The following MYO5B variants were observed in gnomAD, a reference collection of about 807,000 sequenced individuals.
The protein encoded by MYO5B is myosin VB.
MYO5B carries 143 observed loss-of-function variants against 229.3 expected under a neutral mutation model. The observed-to-expected ratio is 0.62, with a 90% CI of 0.54 to 0.72. The LOEUF is 0.72. Ranked by LOEUF, MYO5B falls within the 30% of genes least tolerant of loss-of-function variation. MYO5B has a pLI of 0.00. For missense variants in MYO5B, 2,321 were observed against 2,331.0 expected (o/e 1.00, Z 0.09); for synonymous variants, 918 against 885.2 (o/e 1.04, Z -0.66).
At chr18:50,063,208 C>T (rs570468585) in intron 1 of MYO5B, among the ~76,000 whole-genome samples, 4 of 152,246 alleles carry the variant, frequency 2.6e-5, no homozygotes, top group African/African-American at 4.8e-5. Context: ...AACTCCTCCT[C>T]CCCCAGCGGC....
chr18:49,979,080 G>A (rs2003372), intron 9 of MYO5B, among the ~76,000 whole-genome samples: 5,871 of 152,166 alleles, frequency 0.039, 355 homozygotes, highest in African/African-American at 0.12. Flanking sequence ...CTCAGATTAC[G>A]GGAAGGTTTG....
In MYO5B at chr18:50,134,617, G is replaced by C. The variant is rs891751214; in HGVS notation, c.27+60150C>G. On this transcript the variant is annotated intron_variant, in intron 1 of 39. Transcript: ENST00000285039. ...ATAAATAAATAATAGCAGCCTCAAG[G>C]GTTAGTATTCCAGAGCTCTCAGTGA... Among the ~76,000 whole-genome samples, 8 of 151,780 alleles carry C rather than the reference G, an allele frequency of 5.3e-5. No homozygotes were observed. In the South Asian group the frequency reaches 1.7e-3, roughly 32 times the overall value.
intron 4 of MYO5B, among the ~76,000 whole-genome samples, chr18:50,013,450 C>T (rs1038070004): frequency 1.2e-4 from 19 of 152,296 alleles, no homozygotes; most frequent in African/African-American, 4.3e-4. Context: ...GATGAGAAAA[C>T]GACACTTATG....
intron 1 of MYO5B, among the ~76,000 whole-genome samples, chr18:50,181,512 T>C (rs1028913596): frequency 1.3e-5 from 2 of 152,232 alleles, no homozygotes; most frequent in Non-Finnish European, 2.9e-5. Flanking sequence ...AACTTAACTA[T>C]TTCTAGAACA....
At chr18:50,193,431 CT>C (rs1373460965) in intron 1 of MYO5B, among the ~76,000 whole-genome samples, 2 of 152,270 alleles carry the variant, frequency 1.3e-5, no homozygotes, top group Non-Finnish European at 1.5e-5. Flanking sequence ...CATCCCGGCC[CT>C]GCTCCCCTCC....
intron 1 of MYO5B, among the ~76,000 whole-genome samples, chr18:50,194,060 G>A (rs759327006): frequency 6.6e-6 from 1 of 152,166 alleles, no homozygotes; most frequent in Non-Finnish European, 1.5e-5. Context: ...CGCAGTCACT[G>A]AAGCCCTCTT....
At chr18:49,905,467 C>T (rs2024888896) in intron 19 of MYO5B, among the ~76,000 whole-genome samples, 1 of 152,106 alleles carries the variant, frequency 6.6e-6, no homozygotes, top group South Asian at 2.1e-4. Context: ...TGTTTGCTGC[C>T]AGGCCTATAA....
In MYO5B at chr18:49,843,764, G is replaced by A. The variant is rs200892860; in HGVS notation, c.4460-372C>T. Reference sequence around the variant, plus strand: ...ATGGCAAGTGGAAGGCTGAGGACAGGGCCTAGCTCCCACATGGGGGCAGGA... The same window carrying A: ...ATGGCAAGTGGAAGGCTGAGGACAGAGCCTAGCTCCCACATGGGGGCAGGA... On this transcript the variant is annotated intron_variant, in intron 33 of 39. Coordinates refer to ENST00000285039, the MANE Select transcript of MYO5B (RefSeq NM_001080467.3). 9.2e-5 allele frequency among the ~76,000 whole-genome samples: 14 copies of A among 152,342 alleles called. No individual in the cohort carries two copies. The East Asian group carries it at 1.4e-3, about 15-fold the overall frequency.
intron 14 of MYO5B, among the ~76,000 whole-genome samples, chr18:49,950,896 A>T (rs2025424333): frequency 6.6e-6 from 1 of 152,096 alleles, no homozygotes; most frequent in African/African-American, 2.4e-5. Flanking sequence ...GTGTCAGGGG[A>T]ACTTGGATTT....
intron 1 of MYO5B, among the ~76,000 whole-genome samples, chr18:50,111,058 G>A (rs1223806821): frequency 2.6e-5 from 4 of 152,144 alleles, no homozygotes; most frequent in Admixed American, 6.5e-5. Flanking sequence ...TAAGGTTAAC[G>A]TTTTCATTCT....
At chr18:49,988,027 G>C (rs975391075) in intron 7 of MYO5B, among the ~76,000 whole-genome samples, 13 of 152,080 alleles carry the variant, frequency 8.5e-5, no homozygotes, top group Non-Finnish European at 1.3e-4. Context: ...AAATGCAATG[G>C]CCCAACAATG....
intron 1 of MYO5B, among the ~76,000 whole-genome samples, chr18:50,111,834 T>C (rs1366196810): frequency 6.6e-6 from 1 of 152,208 alleles, no homozygotes; most frequent in Non-Finnish European, 1.5e-5. Flanking sequence ...ACTCTGCCTC[T>C]TATCAACTCA....
At chr18:50,077,187 A>AAAAAAAAAAAAAAAC in intron 1 of MYO5B, among the ~76,000 whole-genome samples, 1 of 150,782 alleles carries the variant, frequency 6.6e-6, no homozygotes, top group African/African-American at 2.4e-5. Context: ...AAAAAAAAAA[A>AAAAAAAAAAAAAAAC]AAAAAAGACA....
At chr18:49,877,657 T>C (rs2024541645) in intron 25 of MYO5B, 106 bp downstream of exon 25, 1 of 1,503,784 alleles carries the variant, frequency 6.6e-7, no homozygotes, top group Non-Finnish European at 9.2e-7. Context: ...CTGGGCACTC[T>C]GGTCACCATC....
chr18:49,924,534 T>C (rs777394852), intron 17 of MYO5B, among the ~76,000 whole-genome samples: 2 of 152,218 alleles, frequency 1.3e-5, no homozygotes, highest in Non-Finnish European at 2.9e-5. Context: ...AGCTCTGCAG[T>C]CTGGACTCCC....
chr18:49,978,778 C>A (rs889778776), intron 9 of MYO5B, among the ~76,000 whole-genome samples: 1 of 150,574 alleles, frequency 6.6e-6, no homozygotes, highest in Non-Finnish European at 1.5e-5. Context: ...GAGGTAAGAA[C>A]CCATGAAAGA....
chr18:50,014,547 T>C (rs2026197017), intron 4 of MYO5B, among the ~76,000 whole-genome samples: 2 of 152,114 alleles, frequency 1.3e-5, no homozygotes, highest in Non-Finnish European at 1.5e-5. Context: ...TTGGTGACAT[T>C]AGTTCACTGT....
At chr18:49,902,910 G>A (rs1213541714) in intron 20 of MYO5B, 77 bp from the exon 21 acceptor site, 2 of 1,556,700 alleles carry the variant, frequency 1.3e-6, no homozygotes, top group African/African-American at 1.4e-5. Context: ...ATCACTGCCT[G>A]TGGAGGGAAG....
At chr18:49,835,676 T>C (rs1438852456) in intron 38 of MYO5B, among the ~76,000 whole-genome samples, 4 of 152,138 alleles carry the variant, frequency 2.6e-5, no homozygotes, top group African/African-American at 9.7e-5. Flanking sequence ...CCCTCCCCAC[T>C]ATGCTCATTG....
Sources: gnomAD v4.1 joint callset for allele counts (sites outside exome capture counted in the v4.1 genomes callset) on GRCh38, gnomAD v4.1.1 for gene constraint, MANE v1.5 for transcripts, NCBI Gene and HGNC (gene_info 2026-07-23, HGNC 2026-07-21) for gene names.